RNF8: variants seen among roughly 807,000 people sequenced by gnomAD.
RNF8 encodes the protein E3 ubiquitin-protein ligase RNF8.
Under a neutral mutation model 59.3 loss-of-function variants are expected in RNF8, and 8 were observed. That is an observed-to-expected ratio of 0.13 (90% CI 0.08 to 0.24). The LOEUF (loss-of-function observed/expected upper bound fraction) is 0.24, where lower values mean the gene tolerates loss of function less well. Among genes scored for constraint, RNF8 ranks in the 10% least tolerant of loss-of-function variants. RNF8 has a pLI of 1.00. For synonymous variants in RNF8, 162 were observed against 200.0 expected (o/e 0.81, Z 1.60); for missense variants, 406 against 572.6 (o/e 0.71, Z 2.97).
intron 4 of RNF8, among the ~76,000 whole-genome samples, chr6:37,372,834 T>A (rs763582946): frequency 6.6e-6 from 1 of 152,190 alleles, no homozygotes; most frequent in Non-Finnish European, 1.5e-5. Flanking sequence ...CCGGGCGTGG[T>A]GGCGCATGCC....
intron 1 of RNF8, among the ~76,000 whole-genome samples, chr6:37,358,963 G>T (rs1355753415): frequency 6.6e-6 from 1 of 152,108 alleles, no homozygotes; most frequent in Non-Finnish European, 1.5e-5. Flanking sequence ...TGGGTGTGGT[G>T]GTGCGTGCCT....
intron 7 of RNF8, among the ~76,000 whole-genome samples, chr6:37,385,855 A>ATTT (rs771282241): frequency 6.0e-5 from 7 of 117,176 alleles, no homozygotes; most frequent in African/African-American, 2.1e-4. Context: ...TTCCTTTGTC[A>ATTT]TTTTTTTTTT....
chr6:37,387,786 A>G (rs1770575026), intron 7 of RNF8, among the ~76,000 whole-genome samples: 1 of 152,210 alleles, frequency 6.6e-6, no homozygotes, highest in Admixed American at 6.5e-5. Flanking sequence ...CTACAATATG[A>G]GAAATAAAGG....
rs1770768047 is a variant in RNF8, at chr6:37,393,037, G to A, written c.*2279G>A. On this transcript the variant is annotated 3_prime_UTR_variant, in exon 8 of 8. Coordinates refer to ENST00000373479, the MANE Select transcript of RNF8 (RefSeq NM_003958.4). ...TGACCATTCCATCCCACAGCTGCTG[G>A]ACATAGAGTGATTTGCAGCCCCTCC... The A allele has an allele frequency of 6.1e-6, 1 of 163,920 alleles. No individual in the cohort carries two copies. 10.2% of individuals were successfully genotyped at this position (163,920 alleles called of 1,614,324 possible).
chr6:37,371,156 G>A (rs561745891), intron 3 of RNF8, among the ~76,000 whole-genome samples: 1 of 152,296 alleles, frequency 6.6e-6, no homozygotes, highest in South Asian at 2.1e-4. Flanking sequence ...CCAGCACTGG[G>A]AATTACATCT....
chr6:37,361,186 C>A (rs1236015285), intron 2 of RNF8: 2 of 452,848 alleles, frequency 4.4e-6, no homozygotes, highest in East Asian at 1.4e-4. Context: ...ACCTAATGTG[C>A]TGGGTGTGGT....
At chr6:37,387,581 A>G (rs377005069) in intron 7 of RNF8, among the ~76,000 whole-genome samples, 17 of 152,162 alleles carry the variant, frequency 1.1e-4, no homozygotes, top group Non-Finnish European at 1.2e-4. Flanking sequence ...GGCTCATAGG[A>G]TCAGCCCACC....
At chr6:37,359,184 G>A (rs1027722629) in intron 1 of RNF8, 11 of 453,462 alleles carry the variant, frequency 2.4e-5, no homozygotes, top group African/African-American at 2.0e-4. Flanking sequence ...CCTTCACAGG[G>A]TTGTTATGAA....
chr6:37,363,183 C>T (rs141602809), intron 2 of RNF8, among the ~76,000 whole-genome samples: 274 of 152,280 alleles, frequency 1.8e-3, no homozygotes, highest in African/African-American at 5.8e-3. Flanking sequence ...TGTACTCTTA[C>T]GTGAACAAAG....
Position 37,368,839 on chromosome 6 carries a change from C to T in RNF8, c.596C>T (p.Pro199Leu). The T allele has an allele frequency of 6.2e-7, 1 of 1,614,022 alleles. No homozygotes were observed. Among genetic ancestry groups the T allele is most frequent in the African/African-American group, 1.3e-5 (1 of 75,004 alleles). ...GGGAAAGGTGAAGTGGCCAGTACAC[C>T]CTCTGACAATTTGGATCCTAAGTTG... is the stretch of plus-strand genomic sequence containing the variant. ...SQGKGEVASTPSDNLDPKLTA... is the reference protein window; with the variant it reads ...SQGKGEVASTLSDNLDPKLTA... The change falls in exon 3 of 8, where the codon CCC (proline) becomes CTC (leucine). Residue 199 changes from proline (P) to leucine (L), a missense_variant. By Grantham distance (98) the Pro-to-Leu change is moderately conservative (BLOSUM62 -3). Coordinates refer to ENST00000373479, the MANE Select transcript of RNF8 (RefSeq NM_003958.4).
intron 1 of RNF8, among the ~76,000 whole-genome samples, chr6:37,354,996 C>T (rs1175956721): frequency 6.6e-6 from 1 of 152,202 alleles, no homozygotes; most frequent in African/African-American, 2.4e-5. Context: ...CTCGGTACGG[C>T]CGAGTGGCAC....
At position 37,360,764 on chromosome 6, in the gene RNF8, C is replaced by A. The variant is rs1285203737; in HGVS notation, c.240+190C>A. On this transcript the variant is annotated intron_variant, in intron 2 of 7. Transcript: ENST00000373479. The surrounding 1 kb of genome is among the most constrained non-coding windows in gnomAD (Gnocchi z 4.2). ...ATTCGATTATGCTAAAATAATTTCT[C>A]TTGATTTGGGTTAAAGTTTGTTAAC... Among the ~76,000 whole-genome samples the A allele has an allele frequency of 6.6e-6, 1 of 151,990 alleles. No individual in the cohort carries two copies. Among genetic ancestry groups the A allele is most frequent in the Non-Finnish European group, 1.5e-5 (1 of 68,024 alleles).
Position 37,394,184 on chromosome 6 carries a change from A to G in RNF8, c.*3426A>G, listed in dbSNP as rs1256287031. ...ATCTGTCTCTTGCTCTGAGATACAGACTTGTTCATAGGTGTGGGGCCTGAT... is the reference window on the plus strand; with the variant it reads ...ATCTGTCTCTTGCTCTGAGATACAGGCTTGTTCATAGGTGTGGGGCCTGAT... On this transcript the variant is annotated 3_prime_UTR_variant, in exon 8 of 8. Transcript: ENST00000373479. The G allele has an allele frequency of 6.6e-6, 1 of 152,194 alleles. No homozygotes were observed. The highest frequency in any genetic ancestry group is 1.5e-5 in the Non-Finnish European group (1 of 68,038). 9.4% of individuals were successfully genotyped at this position (152,194 alleles called of 1,614,324 possible). A position where few individuals can be genotyped will look rare whatever the true frequency, so the allele number is the denominator to read the frequency against.
At position 37,362,515 on chromosome 6, in the gene RNF8, A is replaced by G. The variant is rs61212421; in HGVS notation, c.240+1941A>G. The stretch of plus-strand genomic sequence containing the variant: ...GCTGTGATTGTTTGTGAGATAACTG[A>G]TTTAATTTTAAGAGAAGCTAGGACT... On this transcript the variant is annotated intron_variant, in intron 2 of 7. Coordinates refer to ENST00000373479, the MANE Select transcript of RNF8 (RefSeq NM_003958.4). 1.3e-3 allele frequency among the ~76,000 whole-genome samples: 94 copies of G among 70,734 alleles called. 2 individuals are homozygous for G. In the East Asian group the frequency reaches 0.028, roughly 21 times the overall value. The allele number at this position is 70,734 out of a possible 152,430, so 46.4% of individuals were successfully genotyped here.
intron 6 of RNF8, among the ~76,000 whole-genome samples, chr6:37,379,698 C>CT (rs1189880354): frequency 6.6e-6 from 1 of 152,036 alleles, no homozygotes; most frequent in Non-Finnish European, 1.5e-5. Context: ...TTTTTAGTTT[C>CT]TTTTTTTGCC....
chr6:37,358,365 A>G (rs1581661911), intron 1 of RNF8, among the ~76,000 whole-genome samples: 1 of 152,220 alleles, frequency 6.6e-6, no homozygotes, highest in Admixed American at 6.5e-5. Context: ...TAAAATTTTT[A>G]CATTTCTATT....
intron 6 of RNF8, among the ~76,000 whole-genome samples, chr6:37,379,182 T>G (rs1219291321): frequency 6.6e-6 from 1 of 151,836 alleles, no homozygotes; most frequent in African/African-American, 2.4e-5. Context: ...CCCAGCTAAT[T>G]TTTTTGTATT....
intron 2 of RNF8, among the ~76,000 whole-genome samples, chr6:37,362,953 T>C (rs1769383960): frequency 6.6e-6 from 1 of 152,192 alleles, no homozygotes; most frequent in Non-Finnish European, 1.5e-5. Flanking sequence ...TTTTGGTCAA[T>C]TCATAAGCTT....
chr6:37,389,481 T>C lies in RNF8; in HGVS notation c.1442-1261T>C, dbSNP rs1770642637. Among the ~76,000 whole-genome samples, 5 of 151,500 alleles carry C rather than the reference T, an allele frequency of 3.3e-5. No individual in the cohort carries two copies. The South Asian group carries it at 1.0e-3, about 32-fold the overall frequency. ...GCTGTATTTGGAGGAGGAAGTAGGG[T>C]GAAATGGGGTTTTTGTTGTTTTTTA... On this transcript the variant is annotated intron_variant, in intron 7 of 7. Transcript: ENST00000373479.
Sources: allele counts gnomAD v4.1 joint callset (sites outside exome capture counted in the v4.1 genomes callset), GRCh38; gene constraint gnomAD v4.1.1; non-coding constraint Gnocchi (gnomAD v3.1); transcripts MANE v1.5; gene names NCBI Gene and HGNC (gene_info 2026-07-23, HGNC 2026-07-21).